Variants in SHISA9 observed in about 807,000 individuals in gnomAD.
SHISA9 encodes shisa family member 9.
Under a neutral mutation model 38.0 loss-of-function variants are expected in SHISA9, and 13 were observed. The ratio of observed to expected loss-of-function variants is 0.34; its 90% CI spans 0.22 to 0.54. The LOEUF (loss-of-function observed/expected upper bound fraction) is 0.54. Ranked by LOEUF, SHISA9 falls within the 20% of genes least tolerant of loss-of-function variation. The pLI is 0.91. For missense variants in SHISA9, 538 were observed against 575.8 expected (o/e 0.93, Z 0.67); for synonymous variants, 275 against 242.0 (o/e 1.14, Z -1.27).
chr16:12,948,994 G>A (rs935219345), intron 2 of SHISA9, among the ~76,000 whole-genome samples: 11 of 152,132 alleles, frequency 7.2e-5, no homozygotes, highest in Non-Finnish European at 1.5e-4. Context: ...ACTCATCTGT[G>A]TTAGTTTCCT....
intron 2 of SHISA9, among the ~76,000 whole-genome samples, chr16:13,084,005 C>T (rs961193655): frequency 3.3e-5 from 5 of 151,958 alleles, no homozygotes; most frequent in African/African-American, 1.2e-4. Flanking sequence ...GGCAACTTGC[C>T]CAAGGTCAAA....
At chr16:13,099,454 T>C (rs976012231) in intron 2 of SHISA9, among the ~76,000 whole-genome samples, 1 of 152,162 alleles carries the variant, frequency 6.6e-6, no homozygotes, top group African/African-American at 2.4e-5. Flanking sequence ...GGTAGAATTG[T>C]AGTTCTGAGC....
intron 2 of SHISA9, among the ~76,000 whole-genome samples, chr16:13,017,621 A>G (rs1418202220): frequency 6.6e-6 from 1 of 152,164 alleles, no homozygotes; most frequent in African/African-American, 2.4e-5. Context: ...CACTGTGCTG[A>G]ATGCTTTCCA....
At chr16:13,085,045 A>C (rs2073694938) in intron 2 of SHISA9, among the ~76,000 whole-genome samples, 1 of 152,108 alleles carries the variant, frequency 6.6e-6, no homozygotes, top group South Asian at 2.1e-4. Context: ...AGGTGTCCCA[A>C]ATGTGTGTGT....
the SHISA9 span, among the ~76,000 whole-genome samples, chr16:13,490,316 A>G: frequency 6.6e-6 from 1 of 152,300 alleles, no homozygotes; most frequent in East Asian, 1.9e-4. Context: ...TAATCCCAGC[A>G]CTTTGGGAGG....
chr16:13,278,847 T>G, the SHISA9 span, among the ~76,000 whole-genome samples: 1 of 152,068 alleles, frequency 6.6e-6, no homozygotes, highest in Admixed American at 6.6e-5. Context: ...TCAATTTTAT[T>G]CATTTTTTCA....
At chr16:13,061,408 C>T (rs1011823027) in intron 2 of SHISA9, among the ~76,000 whole-genome samples, 3 of 152,094 alleles carry the variant, frequency 2.0e-5, no homozygotes, top group Non-Finnish European at 4.4e-5. Context: ...TATTGTTGTT[C>T]AGGAAAGCAG....
intron 2 of SHISA9, among the ~76,000 whole-genome samples, chr16:12,981,994 AC>A (rs1302673837): frequency 6.6e-6 from 1 of 152,232 alleles, no homozygotes; most frequent in Non-Finnish European, 1.5e-5. Context: ...TATTTAAGCC[AC>A]CCAGTCTGTG....
At chr16:13,324,422 T>G in the SHISA9 span, among the ~76,000 whole-genome samples, 27 of 152,252 alleles carry the variant, frequency 1.8e-4, no homozygotes, top group Admixed American at 5.9e-4. Context: ...TGCCACTTTC[T>G]GATTGGCAAC....
intron 2 of SHISA9, among the ~76,000 whole-genome samples, chr16:13,058,260 G>T (rs2073333001): frequency 6.6e-6 from 1 of 152,156 alleles, no homozygotes; most frequent in Non-Finnish European, 1.5e-5. Flanking sequence ...AAAAATGCAG[G>T]TTCCCAGGAC....
intron 4 of SHISA9, among the ~76,000 whole-genome samples, chr16:13,228,826 T>G (rs2051303833): frequency 6.6e-6 from 1 of 152,124 alleles, no homozygotes; most frequent in African/African-American, 2.4e-5. Flanking sequence ...ACTTATTATT[T>G]TTCCTGATCC....
intron 2 of SHISA9, among the ~76,000 whole-genome samples, chr16:12,958,857 C>G (rs12921037): frequency 0.18 from 27,231 of 152,130 alleles, 3,201 homozygotes; most frequent in Middle Eastern, 0.32. Context: ...ATACTCCCCC[C>G]ACCCCCAGGT....
chr16:12,989,238 AT>A (rs1214594928), intron 2 of SHISA9, among the ~76,000 whole-genome samples: 2 of 152,004 alleles, frequency 1.3e-5, no homozygotes, highest in African/African-American at 4.8e-5. Flanking sequence ...GTGTTTGACG[AT>A]GTCAGGCTGG....
At chr16:13,273,259 C>T in the SHISA9 span, among the ~76,000 whole-genome samples, 1 of 152,168 alleles carries the variant, frequency 6.6e-6, no homozygotes, top group African/African-American at 2.4e-5. Flanking sequence ...TCCTAATAGA[C>T]ACATTTCAAA....
the SHISA9 span, among the ~76,000 whole-genome samples, chr16:13,463,247 C>T: frequency 5.3e-5 from 8 of 152,108 alleles, no homozygotes; most frequent in Non-Finnish European, 1.2e-4. Context: ...CATGGCATGA[C>T]CCGTGAGGAA....
intron 4 of SHISA9, among the ~76,000 whole-genome samples, chr16:13,231,866 T>G (rs2051334669): frequency 6.6e-6 from 1 of 152,256 alleles, no homozygotes; most frequent in Admixed American, 6.5e-5. Flanking sequence ...GTTGATTGAA[T>G]GTAGGTTCTA....
At chr16:13,049,198 G>A (rs1031644069) in intron 2 of SHISA9, among the ~76,000 whole-genome samples, 8 of 144,322 alleles carry the variant, frequency 5.5e-5, no homozygotes, top group Non-Finnish European at 9.2e-5. Flanking sequence ...GTGTGTGTGT[G>A]TGTGTGTATG....
chr16:13,365,630 T>C, the SHISA9 span, among the ~76,000 whole-genome samples: 1 of 152,038 alleles, frequency 6.6e-6, no homozygotes, highest in Non-Finnish European at 1.5e-5. Context: ...CTAATTTTTT[T>C]ATATTTTTTA....
chr16:13,547,913 T>C, the SHISA9 span, among the ~76,000 whole-genome samples: 1 of 151,980 alleles, frequency 6.6e-6, no homozygotes, highest in African/African-American at 2.4e-5. Context: ...GAGAAAACAA[T>C]TTTGAGCTGA....
Sources: gnomAD v4.1 joint callset for allele counts (sites outside exome capture counted in the v4.1 genomes callset) on GRCh38, gnomAD v4.1.1 for gene constraint, MANE v1.5 for transcripts, NCBI Gene and HGNC (gene_info 2026-07-23, HGNC 2026-07-21) for gene names.